Variants in DUOX1 observed in about 807,000 individuals in gnomAD.
The protein encoded by DUOX1 is NADPH thyroid oxidase 1.
A neutral mutation model predicts 181.8 loss-of-function variants in DUOX1; 134 were observed. That is an observed-to-expected ratio of 0.74 (90% CI 0.64 to 0.85). The LOEUF (loss-of-function observed/expected upper bound fraction) is 0.85, where lower values mean the gene tolerates loss of function less well. Ranked by LOEUF, DUOX1 falls within the 40% of genes least tolerant of loss-of-function variation. The probability of loss-of-function intolerance (pLI) is 0.00; values close to 1 mark genes in which losing one functional copy is unlikely to be tolerated. For missense variants in DUOX1, 1,814 were observed against 2,064.4 expected, an observed-to-expected ratio of 0.88 and a Z score of 2.35; for synonymous variants, 798 against 832.5, an observed-to-expected ratio of 0.96 and a Z score of 0.71.
chr15:45,139,085 C>G lies in DUOX1; in HGVS notation c.1133C>G (p.Ala378Gly). 6.2e-7 allele frequency: 1 copy of G among 1,614,056 alleles called. No homozygotes were observed. Among genetic ancestry groups the G allele is most frequent in the South Asian group, 1.1e-5 (1 of 91,054 alleles). ...ATAAAGCACCCAAGCCTACAAAGTG[C>G]TGAAGATGTGGATGCACTGCTGCTG... ...WSREHPSLQS[A>G]EDVDALLLGM... The change falls in exon 11 of 34, where the codon GCT becomes GGT. Residue 378 changes from alanine (A) to glycine (G), a missense_variant. Physicochemically the swap from Ala to Gly is moderately conservative, Grantham distance 60 (BLOSUM62 0). This residue lies in a region of DUOX1 where 1,064 missense variants were observed against 1,152.9 expected (regional missense o/e 0.92). Transcript: ENST00000389037.
rs748746656 is a variant in DUOX1, at chr15:45,141,027, C to T, written c.1522C>T (p.Leu508=). 4.3e-6 allele frequency: 7 copies of T among 1,614,248 alleles called. No individual in the cohort carries two copies. Among genetic ancestry groups the T allele is most frequent in the Non-Finnish European group, 5.9e-6 (7 of 1,180,044 alleles). ...STIVLEQFVR[L]RDGDRYWFEN... is the part of the protein sequence containing the mutation. ...CATCGTCCTTGAACAATTTGTGCGG[C>T]TACGGGATGGTGACCGCTACTGGTT... Residue 508 remains leucine, a synonymous_variant, in exon 13 of 34, where the codon CTA becomes TTA. Transcript: ENST00000389037.
At chr15:45,148,092 G>T in intron 20 of DUOX1, 95 bp downstream of exon 20, 1 of 1,432,716 alleles carries the variant, frequency 7.0e-7, no homozygotes, top group South Asian at 1.2e-5. Flanking sequence ...GGCCAAGGAA[G>T]GAAGCCTCCT....
chr15:45,153,247 AGGTC>A, intron 25 of DUOX1, 129 bp from the exon 26 acceptor site: 8 of 422,334 alleles, frequency 1.9e-5, no homozygotes, highest in South Asian at 5.5e-5. Flanking sequence ...AAAAAAAAAG[AGGTC>A]AGAAGTCGAG....
intron 29 of DUOX1, among the ~76,000 whole-genome samples, chr15:45,161,374 G>A (rs528534595): frequency 2.2e-5 from 3 of 135,062 alleles, no homozygotes; most frequent in South Asian, 2.4e-4. Flanking sequence ...AGCTGAGATC[G>A]TGCCACTGCA....
rs747448388 is a variant in DUOX1 at position 45,151,200 on chromosome 15, C to G, written c.2966C>G (p.Pro989Arg). 2.5e-6 allele frequency: 4 copies of G among 1,614,184 alleles called. No individual in the cohort carries two copies. Among genetic ancestry groups the G allele is most frequent in the Non-Finnish European group, 3.4e-6 (4 of 1,180,028 alleles). Residue 989 changes from proline (P) to arginine (R), a missense_variant, in exon 23 of 34, where the codon CCC becomes CGC. Pro to Arg is a moderately radical substitution (Grantham distance 103, BLOSUM62 -2). Transcript: ENST00000389037. ...TTGACACCTCAGAGACTGCAGTGCC[C>G]CATGGACACAGACCCTCCCCAGGAG... is the stretch of plus-strand genomic sequence containing the variant. Reference protein sequence around the residue: ...TELTPQRLQCPMDTDPPQEIR... With the variant: ...TELTPQRLQCRMDTDPPQEIR...
At chr15:45,143,351 C>A in intron 16 of DUOX1, 48 bp downstream of exon 16, 1 of 1,481,646 alleles carries the variant, frequency 6.7e-7, no homozygotes, top group Non-Finnish European at 9.4e-7. Context: ...CATGGCTCAG[C>A]GCTACAGCTA....
intron 10 of DUOX1, 100 bp downstream of exon 10, chr15:45,138,114 G>GTGT: frequency 2.3e-6 from 2 of 879,042 alleles, no homozygotes; most frequent in African/African-American, 1.7e-5. Context: ...GTGAGTGCAT[G>GTGT]GTGAAAGTGG....
intron 29 of DUOX1, among the ~76,000 whole-genome samples, chr15:45,161,472 G>A (rs1310853760): frequency 1.3e-5 from 2 of 149,490 alleles, no homozygotes; most frequent in Non-Finnish European, 1.5e-5. Flanking sequence ...GAGGAAGGAA[G>A]GAAGGAAAGG....
intron 18 of DUOX1, among the ~76,000 whole-genome samples, chr15:45,146,657 G>A (rs1232515339): frequency 6.6e-6 from 1 of 152,220 alleles, no homozygotes; most frequent in Non-Finnish European, 1.5e-5. Flanking sequence ...GACAGAGTTG[G>A]GACATGAACC....
intron 7 of DUOX1, 107 bp downstream of exon 7, chr15:45,136,055 C>A: frequency 6.7e-7 from 1 of 1,497,712 alleles, no homozygotes; most frequent in Non-Finnish European, 9.1e-7. Flanking sequence ...ACCCAGAAAC[C>A]CCTCCCCAGA....
intron 4 of DUOX1, 74 bp downstream of exon 4, chr15:45,134,383 A>G: frequency 6.8e-7 from 1 of 1,471,934 alleles, no homozygotes; most frequent in Admixed American, 2.3e-5. Context: ...GAGGGGTCAG[A>G]GGATGAGAGA....
At position 45,162,450 on chromosome 15, in the gene DUOX1, T is replaced by C. The variant is rs1595598945; in HGVS notation, c.4248+73T>C. ...GTCATGGTACCCATCTGTGCCTTTC[T>C]CCTCTGCCTTTGTTCTTGGCTTCCC... On this transcript the variant is annotated intron_variant, in intron 31 of 33. Transcript: ENST00000389037. 12 of 1,548,120 alleles carry C rather than the reference T, an allele frequency of 7.8e-6. No homozygotes were observed. In the South Asian group the frequency reaches 1.5e-4, roughly 19 times the overall value.
intron 1 of DUOX1, among the ~76,000 whole-genome samples, chr15:45,130,306 G>A (rs189368326): frequency 6.6e-6 from 1 of 152,362 alleles, no homozygotes; most frequent in East Asian, 1.9e-4. Flanking sequence ...TGAGAGACTG[G>A]GTTCTTTGGG....
intron 27 of DUOX1, among the ~76,000 whole-genome samples, chr15:45,154,225 C>A (rs1444600270): frequency 6.6e-6 from 1 of 152,134 alleles, no homozygotes. Context: ...CTACTTTGGG[C>A]TAGTTCCTTC....
At chr15:45,149,880 A>ATATG (rs1896759798) in intron 21 of DUOX1, among the ~76,000 whole-genome samples, 3 of 152,204 alleles carry the variant, frequency 2.0e-5, no homozygotes, top group African/African-American at 7.2e-5. Context: ...TTTCACCTAG[A>ATATG]TATGCTATTT....
In DUOX1 at chr15:45,148,246, G is replaced by A. The variant is rs113904456; in HGVS notation, c.2643-26G>A. 2.7e-4 allele frequency: 428 copies of A among 1,613,484 alleles called. 2 individuals are homozygous for A. In the African/African-American group the frequency reaches 4.8e-3, roughly 18 times the overall value. ...TGGGTCGCAGGCCCCAGTCAGGGCC[G>A]GATGGTTCCTCTCCCCCAACCCCAG... On this transcript the variant is annotated intron_variant, in intron 20 of 33. Transcript: ENST00000389037.
chr15:45,140,803 A>G, intron 12 of DUOX1, 92 bp from the exon 13 acceptor site: 1 of 1,268,018 alleles, frequency 7.9e-7, no homozygotes. Flanking sequence ...ATTTATTATT[A>G]TCATCCCTGG....
chr15:45,151,954 A>G lies in DUOX1; in HGVS notation c.3095A>G (p.Gln1032Arg), dbSNP rs1896816984. ...FQRSCLHQTV[Q>R]QFKRFIENYR... Reference sequence around the variant, plus strand: ...CGCAGCTGTCTCCACCAGACGGTGCAACAGTTCAAGCGCTTCATTGAGAAC... The same window carrying G: ...CGCAGCTGTCTCCACCAGACGGTGCGACAGTTCAAGCGCTTCATTGAGAAC... Residue 1032 changes from glutamine to arginine, a missense_variant, in exon 24 of 34, where the codon CAA becomes CGA. By Grantham distance (43) the Gln-to-Arg change is conservative (BLOSUM62 1). This residue lies in a region of DUOX1 where 1,064 missense variants were observed against 1,152.9 expected (regional missense o/e 0.92). Coordinates refer to ENST00000389037, the MANE Select transcript of DUOX1 (RefSeq NM_175940.3). 2 of 1,613,698 alleles carry G rather than the reference A, an allele frequency of 1.2e-6. No homozygotes were observed. Among genetic ancestry groups the G allele is most frequent in the African/African-American group, 2.7e-5 (2 of 74,814 alleles).
intron 5 of DUOX1, 51 bp from the exon 6 acceptor site, chr15:45,135,423 C>T (rs1201315261): frequency 6.5e-7 from 1 of 1,531,076 alleles, no homozygotes. Context: ...CCGGCCTTCC[C>T]TAGCTCGCCG....
Sources: allele counts gnomAD v4.1 joint callset (sites outside exome capture counted in the v4.1 genomes callset), GRCh38; gene constraint gnomAD v4.1.1; regional missense constraint gnomAD v4.1.1; transcripts MANE v1.5; gene names NCBI Gene and HGNC (gene_info 2026-07-23, HGNC 2026-07-21).